SIAH1: variants seen among roughly 807,000 people sequenced by gnomAD.
SIAH1 encodes the protein E3 ubiquitin-protein ligase SIAH1.
In SIAH1, 2 loss-of-function variants were observed where a neutral mutation model predicts 20.0. The observed-to-expected ratio is 0.10, with a 90% CI of 0.04 to 0.31. SIAH1 has a LOEUF of 0.31. Among genes scored for constraint, SIAH1 ranks in the 10% least tolerant of loss-of-function variants. The probability of loss-of-function intolerance (pLI) is 1.00; values close to 1 mark genes in which losing one functional copy is unlikely to be tolerated. For missense variants in SIAH1, 119 were observed against 355.3 expected (o/e 0.33, Z 5.35); for synonymous variants, 118 against 125.3 (o/e 0.94, Z 0.39).
chr16:48,385,179 C>A, intron 1 of SIAH1, 25 bp downstream of exon 1: 1 of 269,418 alleles, frequency 3.7e-6, no homozygotes, highest in Non-Finnish European at 8.1e-6. Context: ...CCGCCGGCTC[C>A]TCCCTCAGGC....
rs151033633 is a variant in SIAH1, at chr16:48,381,816, T to C, written c.-3+3388A>G. On this transcript the variant is annotated intron_variant, in intron 1 of 1. Coordinates refer to ENST00000394725, the MANE Select transcript of SIAH1 (RefSeq NM_003031.4). ...GTGAAAGCATTCATGTATGTCATTA[T>C]GTATTTGTCTAAACCCATAAAATGT... Among the ~76,000 whole-genome samples, 650 of 152,314 alleles carry C rather than the reference T, an allele frequency of 4.3e-3. 5 individuals carry two copies. Among genetic ancestry groups the C allele is most frequent in the Admixed American group, 0.01 (159 of 15,292 alleles).
At chr16:48,380,351 T>C (rs971427205) in intron 1 of SIAH1, among the ~76,000 whole-genome samples, 2 of 151,872 alleles carry the variant, frequency 1.3e-5, no homozygotes, top group African/African-American at 4.8e-5. Context: ...CTCAGCAGGC[T>C]GAGCACGAGA....
Position 48,361,911 on chromosome 16 carries a change from G to A in SIAH1, c.518C>T (p.Pro173Leu). 6.2e-7 allele frequency: 1 copy of A among 1,614,134 alleles called. No homozygotes were observed. Among genetic ancestry groups the A allele is most frequent in the Non-Finnish European group, 8.5e-7 (1 of 1,180,024 alleles). The change falls in exon 2 of 2, where the codon CCT becomes CTT. Residue 173 changes from proline to leucine, a missense_variant. Transcript: ENST00000394725. The stretch of plus-strand genomic sequence containing the variant: ...CATCATCACCCAGTCAACAGCACCA[G>A]GAAGATTAATGTCTGTAGCAAGAAA... ...IVFLATDINL[P>L]GAVDWVMMQS...
In SIAH1 at chr16:48,362,208, G is replaced by C. The variant is rs1960620516; in HGVS notation, c.221C>G (p.Thr74Ser). 2 of 1,614,240 alleles carry C rather than the reference G, an allele frequency of 1.2e-6. No homozygotes were observed. Among genetic ancestry groups the C allele is most frequent in the Non-Finnish European group, 1.7e-6 (2 of 1,180,046 alleles). ...AATGGATCCCAAAGGGCCCCGGCAA[G>C]TTGGACAACATGTGAGCTTTGGGCG... ...NCRPKLTCCPTCRGPLGSIRN... is the reference protein window; with the variant it reads ...NCRPKLTCCPSCRGPLGSIRN... Residue 74 changes from threonine to serine, a missense_variant, in exon 2 of 2, where the codon ACT (threonine) becomes AGT (serine). Coordinates refer to ENST00000394725, the MANE Select transcript of SIAH1 (RefSeq NM_003031.4). The surrounding 1 kb of genome is among the most constrained non-coding windows in gnomAD (Gnocchi z 4.2).
intron 1 of SIAH1, chr16:48,365,992 C>G (rs923060791): frequency 1.0e-6 from 1 of 952,468 alleles, no homozygotes; most frequent in African/African-American, 1.7e-5. Flanking sequence ...TCAGGGCGCG[C>G]GGCGCACAGG....
At chr16:48,376,978 G>A (rs115218751) in intron 1 of SIAH1, among the ~76,000 whole-genome samples, 364 of 152,278 alleles carry the variant, frequency 2.4e-3, no homozygotes, top group African/African-American at 8.4e-3. Flanking sequence ...TCTTTCCAAG[G>A]TAGAGTCTTT....
intron 1 of SIAH1, among the ~76,000 whole-genome samples, chr16:48,376,215 A>C (rs1300634513): frequency 6.6e-6 from 1 of 152,206 alleles, no homozygotes; most frequent in Non-Finnish European, 1.5e-5. Context: ...GGATTTCGGT[A>C]TCTCTCCAAT....
chr16:48,373,700 G>A lies in SIAH1; in HGVS notation c.-2-11270C>T, dbSNP rs561807164. Reference sequence around the variant, plus strand: ...CAATTAGATTAATTAATCCAGCTCCGTTTTATATCAGATGACATAAATCTC... The same window carrying A: ...CAATTAGATTAATTAATCCAGCTCCATTTTATATCAGATGACATAAATCTC... On this transcript the variant is annotated intron_variant, in intron 1 of 1. Coordinates refer to ENST00000394725, the MANE Select transcript of SIAH1 (RefSeq NM_003031.4). 1.1e-4 allele frequency among the ~76,000 whole-genome samples: 17 copies of A among 152,194 alleles called. No homozygotes were observed. The East Asian group carries it at 1.4e-3, about 12-fold the overall frequency.
chr16:48,381,942 T>A (rs1961304603), intron 1 of SIAH1, among the ~76,000 whole-genome samples: 1 of 152,178 alleles, frequency 6.6e-6, no homozygotes, highest in South Asian at 2.1e-4. Flanking sequence ...TGGAGGAGGT[T>A]ACACGTGTAG....
At chr16:48,379,262 G>C (rs1961194202) in intron 1 of SIAH1, among the ~76,000 whole-genome samples, 1 of 152,082 alleles carries the variant, frequency 6.6e-6, no homozygotes, top group South Asian at 2.1e-4. Context: ...GGAAGGCAGG[G>C]AACAGCAATA....
At chr16:48,363,010 G>C (rs1193320243) in intron 1 of SIAH1, 1 of 166,468 alleles carries the variant, frequency 6.0e-6, no homozygotes, top group East Asian at 1.9e-4. Flanking sequence ...TTTACATATT[G>C]TTTACATTGT....
chr16:48,365,810 G>A, intron 1 of SIAH1: 3 of 1,259,074 alleles, frequency 2.4e-6, no homozygotes, highest in Non-Finnish European at 3.0e-6. Context: ...CCCAGCTCCA[G>A]TGGAGGCCAC....
intron 1 of SIAH1, among the ~76,000 whole-genome samples, chr16:48,381,712 A>G (rs1179074534): frequency 6.6e-6 from 1 of 152,232 alleles, no homozygotes; most frequent in Non-Finnish European, 1.5e-5. Flanking sequence ...AGGCAAAACT[A>G]TGGTGACAAT....
chr16:48,380,823 G>A (rs1015998584), intron 1 of SIAH1, among the ~76,000 whole-genome samples: 2 of 149,290 alleles, frequency 1.3e-5, no homozygotes, highest in Non-Finnish European at 3.0e-5. Flanking sequence ...AGCTACTCAG[G>A]AGGCTGAGGC....
rs1433107518 is a variant in SIAH1 at position 48,362,092 on chromosome 16, C to G, written c.337G>C (p.Glu113Gln). The change falls in exon 2 of 2, where the codon GAA becomes CAA. Residue 113 changes from glutamate to glutamine, a missense_variant. Coordinates refer to ENST00000394725, the MANE Select transcript of SIAH1 (RefSeq NM_003031.4). This position sits in a 1 kb window ranked among gnomAD's most constrained non-coding sequence, Gnocchi z 4.2. ...SGCEITLPHTEKADHEELCEF... is the reference protein window; with the variant it reads ...SGCEITLPHTQKADHEELCEF... ...CAGAGCTCTTCATGGTCTGCTTTTT[C>G]TGTGTGTGGCAGAGTTATTTCACAT... 3 of 1,614,176 alleles carry G rather than the reference C, an allele frequency of 1.9e-6. No homozygotes were observed. The highest frequency in any genetic ancestry group is 2.5e-6 in the Non-Finnish European group (3 of 1,180,034).
At position 48,362,598 on chromosome 16, in the gene SIAH1, T is replaced by A; in HGVS notation, c.-2-168A>T. ...AGATATTAAAAAAATAAAATTACAC[T>A]GAATGTGCACTTTATTAGGATCTGT... is the stretch of plus-strand genomic sequence containing the variant. On this transcript the variant is annotated intron_variant, in intron 1 of 1. Coordinates refer to ENST00000394725, the MANE Select transcript of SIAH1 (RefSeq NM_003031.4). The surrounding 1 kb of genome is among the most constrained non-coding windows in gnomAD (Gnocchi z 4.2). 1.5e-6 allele frequency: 1 copy of A among 670,758 alleles called. No homozygotes were observed. Among genetic ancestry groups the A allele is most frequent in the Non-Finnish European group, 2.5e-6 (1 of 394,632 alleles). The allele number at this position is 670,758 out of a possible 1,614,324, so 41.6% of individuals were successfully genotyped here.
chr16:48,364,151 T>C (rs1353851038), intron 1 of SIAH1, among the ~76,000 whole-genome samples: 1 of 151,914 alleles, frequency 6.6e-6, no homozygotes, highest in African/African-American at 2.4e-5. Context: ...GGTTTCACCA[T>C]GGCTGGTCTC....
chr16:48,371,068 C>G (rs1016351928), intron 1 of SIAH1, among the ~76,000 whole-genome samples: 2 of 147,286 alleles, frequency 1.4e-5, no homozygotes, highest in South Asian at 4.3e-4. Context: ...GAGCCAAGAT[C>G]GTGCCATTGC....
At chr16:48,376,772 C>G (rs1462252078) in intron 1 of SIAH1, among the ~76,000 whole-genome samples, 2 of 152,158 alleles carry the variant, frequency 1.3e-5, no homozygotes, top group Non-Finnish European at 2.9e-5. Flanking sequence ...GACAAGATAT[C>G]CGAAGTTGTT....
Sources: gnomAD v4.1 joint callset for allele counts (sites outside exome capture counted in the v4.1 genomes callset) on GRCh38, gnomAD v4.1.1 for gene constraint, Gnocchi (gnomAD v3.1) non-coding constraint, MANE v1.5 for transcripts, NCBI Gene and HGNC (gene_info 2026-07-23, HGNC 2026-07-21) for gene names.